DMD: variants seen among roughly 807,000 people sequenced by gnomAD.
DMD encodes the protein mutant dystrophin.
DMD carries 63 observed loss-of-function variants against 330.1 expected under a neutral mutation model. That is an observed-to-expected ratio of 0.19 (90% CI 0.16 to 0.24). The LOEUF (loss-of-function observed/expected upper bound fraction) is 0.24. Among genes scored for constraint, DMD ranks in the 10% least tolerant of loss-of-function variants. The pLI is 1.00. For synonymous variants in DMD, 1,223 were observed against 959.8 expected, an observed-to-expected ratio of 1.27 and a Z score of -5.07; for missense variants, 3,344 against 2,684.1, an observed-to-expected ratio of 1.25 and a Z score of -5.43.
intron 7 of DMD, among the ~76,000 whole-genome samples, chrX:32,767,709 A>G (rs1349139739): frequency 8.9e-6 from 1 of 111,874 alleles, no homozygotes; most frequent in Non-Finnish European, 1.9e-5. Flanking sequence ...GGATTTTTGT[A>G]AGGATTATAA....
At chrX:31,493,934 C>T (rs780023543) in intron 57 of DMD, among the ~76,000 whole-genome samples, 2 of 110,955 alleles carry the variant, frequency 1.8e-5, no homozygotes, top group Admixed American at 1.9e-4. Flanking sequence ...CCAAGACAGG[C>T]AGATCACGAG....
intron 41 of DMD, among the ~76,000 whole-genome samples, chrX:32,324,658 T>C (rs1324472489): frequency 9.0e-6 from 1 of 111,484 alleles, no homozygotes; most frequent in Non-Finnish European, 1.9e-5. Flanking sequence ...TAAAAATTAC[T>C]AGAAATAAAA....
chrX:32,767,343 C>T (rs888885581), intron 7 of DMD, among the ~76,000 whole-genome samples: 3 of 110,678 alleles, frequency 2.7e-5, no homozygotes, highest in Non-Finnish European at 5.7e-5. Flanking sequence ...AGTCCATCTC[C>T]ATTTATGAAT....
Position 31,123,891 on chromosome X carries a change from T to TA in DMD, c.11047-1962dup, listed in dbSNP as rs753095769. Among the ~76,000 whole-genome samples the TA allele has an allele frequency of 5.2e-4, 58 of 111,952 alleles. No individual in the cohort carries two copies. The Middle Eastern group carries it at 0.014, about 26-fold the overall frequency. On this transcript the variant is annotated intron_variant, in intron 78 of 78. Coordinates refer to ENST00000357033, the MANE Select transcript of DMD (RefSeq NM_004006.3). ...GATAATCACAAAGTGTCTTTCTTTT[T>TA]AGGCTGTGTGCTAGGGGATGTAGAT...
chrX:33,303,388 A>T (rs1433576667), intron 1 of DMD, among the ~76,000 whole-genome samples: 3 of 112,089 alleles, frequency 2.7e-5, no homozygotes, highest in African/African-American at 9.7e-5. Context: ...TAAAGCCAAC[A>T]TTCTTCTTTC....
chrX:32,849,506 A>T (rs2080957586), intron 3 of DMD, among the ~76,000 whole-genome samples: 1 of 111,827 alleles, frequency 8.9e-6, no homozygotes, highest in African/African-American at 3.2e-5. Context: ...AAACTGAATA[A>T]TATCTATTAA....
At chrX:32,416,423 T>A (rs191329892) in intron 29 of DMD, among the ~76,000 whole-genome samples, 1 of 112,137 alleles carries the variant, frequency 8.9e-6, no homozygotes, top group East Asian at 2.8e-4. Flanking sequence ...GATGTAGACA[T>A]GTAAAACATT....
intron 77 of DMD, among the ~76,000 whole-genome samples, chrX:31,127,487 C>T (rs1042183226): frequency 8.9e-6 from 1 of 112,560 alleles, no homozygotes; most frequent in African/African-American, 3.2e-5. Flanking sequence ...TCTGTCCATA[C>T]ATGTCAATAG....
chrX:32,647,902 G>A (rs770810379), intron 9 of DMD, among the ~76,000 whole-genome samples: 1 of 111,860 alleles, frequency 8.9e-6, no homozygotes, highest in Non-Finnish European at 1.9e-5. Flanking sequence ...ATGTGTAAGA[G>A]CAAACATTAT....
intron 2 of DMD, among the ~76,000 whole-genome samples, chrX:32,921,037 T>C (rs2088345957): frequency 1.8e-5 from 2 of 112,262 alleles, no homozygotes; most frequent in Admixed American, 9.4e-5. Flanking sequence ...TGGGATGGAA[T>C]AGAGGCCTTC....
In DMD at chrX:32,157,039, G is replaced by A. The variant is rs558014810; in HGVS notation, c.6438+59877C>T. Among the ~76,000 whole-genome samples, 4 of 112,045 alleles carry A rather than the reference G, an allele frequency of 3.6e-5. No homozygotes were observed. The South Asian group carries it at 1.5e-3, about 41-fold the overall frequency. On this transcript the variant is annotated intron_variant, in intron 44 of 78. Coordinates refer to ENST00000357033, the MANE Select transcript of DMD (RefSeq NM_004006.3). ...GATAGATGACATTCTGATGTGGCAG[G>A]CTTTATTGTGCTGTTTATGACAATA...
chrX:32,439,553 C>A (rs1166171705), intron 28 of DMD, among the ~76,000 whole-genome samples: 1 of 110,491 alleles, frequency 9.1e-6, no homozygotes, highest in Non-Finnish European at 1.9e-5. Context: ...AAAGTATATA[C>A]CTTGTTAAAT....
rs752086986 is a variant in DMD at position 32,669,120 on chromosome X, T to C, written c.961-23968A>G. Among the ~76,000 whole-genome samples the C allele has an allele frequency of 3.6e-5, 4 of 111,613 alleles. No homozygotes were observed. In the Admixed American group the frequency reaches 3.8e-4, roughly 11 times the overall value. ...CTGAAATATTAACATCATTCTTCTA[T>C]GAACTATCCCATCTCCTCCTTACTT... On this transcript the variant is annotated intron_variant, in intron 9 of 78. Coordinates refer to ENST00000357033, the MANE Select transcript of DMD (RefSeq NM_004006.3).
intron 44 of DMD, among the ~76,000 whole-genome samples, chrX:32,125,196 G>A (rs754878454): frequency 9.0e-6 from 1 of 110,954 alleles, no homozygotes; most frequent in Admixed American, 9.6e-5. Flanking sequence ...GGGTAGGGGG[G>A]TTACTGTGTT....
chrX:33,286,289 C>T (rs1439847742), intron 1 of DMD, among the ~76,000 whole-genome samples: 1 of 111,266 alleles, frequency 9.0e-6, no homozygotes, highest in Non-Finnish European at 1.9e-5. Flanking sequence ...ATTTAAATAT[C>T]AATATAAAAG....
At chrX:31,131,155 A>G (rs1433419081) in intron 77 of DMD, among the ~76,000 whole-genome samples, 1 of 112,078 alleles carries the variant, frequency 8.9e-6, no homozygotes, top group East Asian at 2.8e-4. Flanking sequence ...ACGTCTTGGC[A>G]GAAACTTCCA....
At chrX:32,298,189 A>C (rs1207422829) in intron 42 of DMD, among the ~76,000 whole-genome samples, 1 of 110,641 alleles carries the variant, frequency 9.0e-6, no homozygotes, top group Non-Finnish European at 1.9e-5. Context: ...TCTACAGGGG[A>C]GAAGGCAATG....
intron 54 of DMD, among the ~76,000 whole-genome samples, chrX:31,645,526 T>C (rs1243688025): frequency 8.9e-6 from 1 of 112,422 alleles, no homozygotes; most frequent in African/African-American, 3.2e-5. Flanking sequence ...GCATGGCAAA[T>C]GTATAGGCTT....
intron 55 of DMD, among the ~76,000 whole-genome samples, chrX:31,614,198 C>T (rs1343030165): frequency 8.9e-6 from 1 of 112,098 alleles, no homozygotes; most frequent in East Asian, 2.8e-4. Flanking sequence ...TCATAAATAT[C>T]CAGGTCTCAT....
Sources: gnomAD v4.1 joint callset for allele counts (sites outside exome capture counted in the v4.1 genomes callset) on GRCh38, gnomAD v4.1.1 for gene constraint, MANE v1.5 for transcripts, NCBI Gene and HGNC (gene_info 2026-07-23, HGNC 2026-07-21) for gene names.